The following NAPEPLD variants were observed in gnomAD, a reference collection of about 807,000 sequenced individuals.
NAPEPLD encodes N-acyl phosphatidylethanolamine phospholipase D.
A neutral mutation model predicts 38.1 loss-of-function variants in NAPEPLD; 23 were observed. The ratio of observed to expected loss-of-function variants is 0.60; its 90% CI spans 0.43 to 0.86. The LOEUF is 0.86. NAPEPLD is among the 40% of genes least tolerant of loss of function. The pLI is 0.00. For synonymous variants in NAPEPLD, 147 were observed against 162.0 expected (o/e 0.91, Z 0.71); for missense variants, 411 against 476.8 (o/e 0.86, Z 1.28).
Position 103,101,570 on chromosome 7 carries a change from T to G in NAPEPLD, c.*1859A>C, listed in dbSNP as rs190240615. 3.0e-3 allele frequency: 460 copies of G among 152,752 alleles called. 2 individuals carry two copies. Among genetic ancestry groups the G allele is most frequent in the Non-Finnish European group, 2.4e-3 (162 of 68,028 alleles). The allele number at this position is 152,752 out of a possible 1,614,324, so 9.5% of individuals were successfully genotyped here. A position where few individuals can be genotyped will look rare whatever the true frequency, so the allele number is the denominator to read the frequency against. On this transcript the variant is annotated 3_prime_UTR_variant, in exon 5 of 5. Transcript: ENST00000465647. ...TACCTGTCTATATTAGGCAGTGATATCTTAAGAAATCATTTTCTCCCTTAT... is the reference window on the plus strand; with the variant it reads ...TACCTGTCTATATTAGGCAGTGATAGCTTAAGAAATCATTTTCTCCCTTAT...
In NAPEPLD at chr7:103,103,365, C is replaced by A; in HGVS notation, c.*64G>T. ...TCACAATATTCATGAATTTCTAAGT[C>A]TTTTCATTTGTTTTTAAACTTAGAT... is the stretch of plus-strand genomic sequence containing the variant. On this transcript the variant is annotated 3_prime_UTR_variant, in exon 5 of 5. Coordinates refer to ENST00000465647, the MANE Select transcript of NAPEPLD (RefSeq NM_001122838.3). The A allele has an allele frequency of 6.8e-7, 1 of 1,464,594 alleles. No individual in the cohort carries two copies. The highest frequency in any genetic ancestry group is 1.4e-5 in the African/African-American group (1 of 69,452). The allele number at this position is 1,464,594 out of a possible 1,614,324, so 90.7% of individuals were successfully genotyped here. A position where few individuals can be genotyped will look rare whatever the true frequency, so the allele number is the denominator to read the frequency against.
intron 1 of NAPEPLD, among the ~76,000 whole-genome samples, chr7:103,139,075 G>A (rs900593483): frequency 6.6e-6 from 1 of 152,248 alleles, no homozygotes; most frequent in African/African-American, 2.4e-5. Context: ...TCTACTGGAA[G>A]AAAGTGCAAT....
intron 4 of NAPEPLD, among the ~76,000 whole-genome samples, chr7:103,108,022 G>A (rs1220954850): frequency 1.3e-5 from 2 of 151,962 alleles, no homozygotes; most frequent in African/African-American, 4.8e-5. Flanking sequence ...ACCCATAAAG[G>A]GAAGCCCATC....
intron 1 of NAPEPLD, among the ~76,000 whole-genome samples, chr7:103,129,496 T>C (rs1213433113): frequency 6.6e-6 from 1 of 152,200 alleles, no homozygotes; most frequent in Non-Finnish European, 1.5e-5. Context: ...ACTGCTTCAG[T>C]TCCTTGAGGG....
chr7:103,128,399 G>A (rs1250110216), intron 2 of NAPEPLD, 84 bp downstream of exon 2: 1 of 1,471,458 alleles, frequency 6.8e-7, no homozygotes, highest in South Asian at 1.2e-5. Context: ...CTAATTCTAT[G>A]CCTTATGATA....
At chr7:103,104,538 C>CA (rs1223016061) in intron 4 of NAPEPLD, among the ~76,000 whole-genome samples, 2 of 152,188 alleles carry the variant, frequency 1.3e-5, no homozygotes, top group Non-Finnish European at 2.9e-5. Context: ...GTTGGCCACA[C>CA]ACAGGTCATC....
rs1329681781 is a variant in NAPEPLD at position 103,143,209 on chromosome 7, A to G, written c.-17+5602T>C. On this transcript the variant is annotated intron_variant, in intron 1 of 4. Coordinates refer to ENST00000465647, the MANE Select transcript of NAPEPLD (RefSeq NM_001122838.3). Reference sequence around the variant, plus strand: ...GCCACTGCACTCCAGCCTGGGTGACAGAGCAAGAGCTTGTCTAAGAATAAA... The same window carrying G: ...GCCACTGCACTCCAGCCTGGGTGACGGAGCAAGAGCTTGTCTAAGAATAAA... Among the ~76,000 whole-genome samples, 3 of 152,340 alleles carry G rather than the reference A, an allele frequency of 2.0e-5. No individual in the cohort carries two copies. The East Asian group carries it at 5.8e-4, about 29-fold the overall frequency.
chr7:103,120,194 C>T lies in NAPEPLD; in HGVS notation c.324G>A (p.Lys108=). The part of the protein sequence containing the change: ...EELDKELPVL[K]PYFITNPEEA... ...CTTCAGGGTTAGTGATAAAATATGG[C>T]TTAAGCACTGGGAGTTCTTTGTCTA... Residue 108 remains lysine (K), a synonymous_variant, in exon 3 of 5, where the codon AAG becomes AAA. Transcript: ENST00000465647. 6.2e-7 allele frequency: 1 copy of T among 1,613,794 alleles called. No homozygotes were observed. The highest frequency in any genetic ancestry group is 2.2e-5 in the East Asian group (1 of 44,884).
chr7:103,120,495 A>T (rs1806427499), intron 2 of NAPEPLD, among the ~76,000 whole-genome samples: 1 of 152,092 alleles, frequency 6.6e-6, no homozygotes, highest in Non-Finnish European at 1.5e-5. Context: ...TAAATGTATC[A>T]ATTTTTTAAA....
chr7:103,116,927 A>T (rs182086608), intron 3 of NAPEPLD, among the ~76,000 whole-genome samples: 1 of 152,360 alleles, frequency 6.6e-6, no homozygotes, highest in Admixed American at 6.5e-5. Context: ...AGAGAACATC[A>T]TCTACTTTCA....
intron 4 of NAPEPLD, among the ~76,000 whole-genome samples, chr7:103,106,798 TG>T (rs1803462715): frequency 6.6e-6 from 1 of 151,444 alleles, no homozygotes; most frequent in Non-Finnish European, 1.5e-5. Context: ...ACAGAGCAAC[TG>T]GGGGAAGGGG....
chr7:103,135,257 T>C (rs997353180), intron 1 of NAPEPLD, among the ~76,000 whole-genome samples: 1 of 152,240 alleles, frequency 6.6e-6, no homozygotes, highest in African/African-American at 2.4e-5. Flanking sequence ...CTTATCCTTA[T>C]TGAAGAGAAA....
chr7:103,120,117 G>A lies in NAPEPLD; in HGVS notation c.401C>T (p.Thr134Met), dbSNP rs747058314. 1.4e-5 allele frequency: 23 copies of A among 1,614,038 alleles called. No homozygotes were observed. The highest frequency in any genetic ancestry group is 1.3e-4 in the East Asian group (6 of 44,900). ...GAGCTCATCCATTTCCACCATTACC[G>A]TGGCATGTCCCAGCCATGTGACTCT... ...GLRVTWLGHA[T>M]VMVEMDELIF... The change falls in exon 3 of 5, where the codon ACG becomes ATG. Residue 134 changes from threonine (T) to methionine (M), a missense_variant. Coordinates refer to ENST00000465647, the MANE Select transcript of NAPEPLD (RefSeq NM_001122838.3).
chr7:103,141,639 T>A, intron 1 of NAPEPLD: 1 of 890,590 alleles, frequency 1.1e-6, no homozygotes, highest in South Asian at 1.3e-5. Flanking sequence ...CGGTGCAGAA[T>A]CCTCATTCTC....
intron 3 of NAPEPLD, among the ~76,000 whole-genome samples, chr7:103,118,885 A>G (rs905830835): frequency 2.6e-5 from 4 of 152,192 alleles, no homozygotes; most frequent in African/African-American, 9.7e-5. Context: ...AGGTTGGAGG[A>G]TGAGTGGTGA....
intron 1 of NAPEPLD, among the ~76,000 whole-genome samples, chr7:103,143,747 C>T (rs914803280): frequency 6.6e-6 from 1 of 152,214 alleles, no homozygotes; most frequent in Non-Finnish European, 1.5e-5. Flanking sequence ...TTTGAGCAAT[C>T]TTTCAAATCA....
At chr7:103,120,261 GA>G (rs774371525) in intron 2 of NAPEPLD, 38 bp from the exon 3 acceptor site, 9 of 1,557,182 alleles carry the variant, frequency 5.8e-6, no homozygotes, top group Admixed American at 2.0e-5. Flanking sequence ...AGAGTAGTTA[GA>G]AAAAAAAGTA....
intron 1 of NAPEPLD, among the ~76,000 whole-genome samples, chr7:103,140,559 AT>A (rs952045863): frequency 2.1e-4 from 32 of 151,540 alleles, no homozygotes; most frequent in Non-Finnish European, 3.4e-4. Flanking sequence ...CGCCCGGCTA[AT>A]TTTTTTGTAT....
At chr7:103,125,673 A>G (rs1415056672) in intron 2 of NAPEPLD, among the ~76,000 whole-genome samples, 1 of 152,114 alleles carries the variant, frequency 6.6e-6, no homozygotes, top group Non-Finnish European at 1.5e-5. Context: ...ACCTGAGGTC[A>G]GCAGTTCAAG....
Sources: allele counts gnomAD v4.1 joint callset (sites outside exome capture counted in the v4.1 genomes callset), GRCh38; gene constraint gnomAD v4.1.1; transcripts MANE v1.5; gene names NCBI Gene and HGNC (gene_info 2026-07-23, HGNC 2026-07-21).